PARD3B: variants seen among roughly 807,000 people sequenced by gnomAD.
PARD3B encodes the protein partitioning defective 3 homolog B.
PARD3B carries 103 observed loss-of-function variants against 130.2 expected under a neutral mutation model. The ratio of observed to expected loss-of-function variants is 0.79; its 90% CI spans 0.67 to 0.93. The LOEUF (loss-of-function observed/expected upper bound fraction) is 0.93, where lower values mean the gene tolerates loss of function less well. Ranked by LOEUF, PARD3B falls within the 40% of genes least tolerant of loss-of-function variation. PARD3B has a pLI of 0.00. For synonymous variants in PARD3B, 583 were observed against 553.2 expected, an observed-to-expected ratio of 1.05 and a Z score of -0.76; for missense variants, 1,609 against 1,499.2, an observed-to-expected ratio of 1.07 and a Z score of -1.21.
At chr2:204,851,056 C>T (rs2044689281) in intron 2 of PARD3B, among the ~76,000 whole-genome samples, 1 of 152,048 alleles carries the variant, frequency 6.6e-6, no homozygotes, top group Admixed American at 6.6e-5. Flanking sequence ...CTTCTCAGGT[C>T]AGGAAAACTT....
intron 2 of PARD3B, among the ~76,000 whole-genome samples, chr2:204,801,222 TTTAAA>T (rs2042556601): frequency 6.6e-6 from 1 of 152,216 alleles, no homozygotes; most frequent in South Asian, 2.1e-4. Flanking sequence ...CCATATGAAA[TTTAAA>T]TTAGTTTTTC....
intron 2 of PARD3B, among the ~76,000 whole-genome samples, chr2:204,734,920 A>T (rs2125348477): frequency 6.6e-6 from 1 of 152,226 alleles, no homozygotes; most frequent in South Asian, 2.1e-4. Context: ...TTGTTTAAAA[A>T]TAGGACCATA....
rs77519532 is a variant in PARD3B at position 205,207,497 on chromosome 2, A to G, written c.2140+14177A>G. 1.3e-4 allele frequency among the ~76,000 whole-genome samples: 19 copies of G among 145,256 alleles called. No homozygotes were observed. In the East Asian group the frequency reaches 3.4e-3, roughly 26 times the overall value. On this transcript the variant is annotated intron_variant, in intron 15 of 22. Coordinates refer to ENST00000406610, the MANE Select transcript of PARD3B (RefSeq NM_001302769.2). ...AAGACTAATAAAGAAAAAAAGAGAGATGAATCAAATAGATGCGATAAAAAA... is the reference window on the plus strand; with the variant it reads ...AAGACTAATAAAGAAAAAAAGAGAGGTGAATCAAATAGATGCGATAAAAAA...
chr2:205,440,947 T>C lies in PARD3B; in HGVS notation c.3044+275T>C, dbSNP rs531550822. ...AAGGAGTATTGTGACAGACATCTCA[T>C]GAAGAAAACTTTGAACGAATATTGT... On this transcript the variant is annotated intron_variant, in intron 20 of 22. Transcript: ENST00000406610. The surrounding 1 kb of genome is among the most constrained non-coding windows in gnomAD (Gnocchi z 4.2). Among the ~76,000 whole-genome samples the C allele has an allele frequency of 2.4e-4, 36 of 152,320 alleles. No homozygotes were observed. The highest frequency in any genetic ancestry group is 2.2e-3 in the Admixed American group (33 of 15,298).
At chr2:205,104,084 C>G (rs1055598329) in intron 4 of PARD3B, among the ~76,000 whole-genome samples, 1 of 152,198 alleles carries the variant, frequency 6.6e-6, no homozygotes, top group African/African-American at 2.4e-5. Context: ...ATATCACCAT[C>G]TGTCACCAGA....
intron 20 of PARD3B, among the ~76,000 whole-genome samples, chr2:205,480,331 C>A (rs6756116): frequency 1.3e-5 from 2 of 152,020 alleles, no homozygotes; most frequent in African/African-American, 4.8e-5. Flanking sequence ...GTAATTCAGA[C>A]CTTAGATTAA....
chr2:205,484,868 C>T (rs777082861), intron 20 of PARD3B, among the ~76,000 whole-genome samples: 4 of 152,182 alleles, frequency 2.6e-5, no homozygotes, highest in Non-Finnish European at 4.4e-5. Context: ...GTCACACTGT[C>T]GAGAGGCTAC....
rs113784174 is a variant in PARD3B at position 204,898,702 on chromosome 2, C to G, written c.223-66450C>G. Among the ~76,000 whole-genome samples, 14 of 152,290 alleles carry G rather than the reference C, an allele frequency of 9.2e-5. 1 individual carries two copies. The highest frequency in any genetic ancestry group is 3.4e-4 in the African/African-American group (14 of 41,562). On this transcript the variant is annotated intron_variant, in intron 2 of 22. Coordinates refer to ENST00000406610, the MANE Select transcript of PARD3B (RefSeq NM_001302769.2). ...GATGTTCTCTCTGGATGATCTGTCT[C>G]AAGCTGAAAGTGGGGTTTTCAAGTC...
At chr2:205,578,912 A>G (rs1319824306) in intron 22 of PARD3B, among the ~76,000 whole-genome samples, 1 of 152,222 alleles carries the variant, frequency 6.6e-6, no homozygotes, top group African/African-American at 2.4e-5. Context: ...CCTTTTCTGC[A>G]TTCTGCATTC....
rs116417930 is a variant in PARD3B, at chr2:205,085,230, C to A, written c.505-19196C>A. Reference sequence around the variant, plus strand: ...TTCCCTAGTAATATTTTATTGACAGCCTTTTGTCTGATATTAACATAGTAG... The same window carrying A: ...TTCCCTAGTAATATTTTATTGACAGACTTTTGTCTGATATTAACATAGTAG... On this transcript the variant is annotated intron_variant, in intron 4 of 22. Coordinates refer to ENST00000406610, the MANE Select transcript of PARD3B (RefSeq NM_001302769.2). 4.4e-3 allele frequency among the ~76,000 whole-genome samples: 675 copies of A among 151,974 alleles called. 4 individuals are homozygous for A. The highest frequency in any genetic ancestry group is 0.015 in the African/African-American group (620 of 41,508).
chr2:204,672,109 T>G (rs553081650), intron 1 of PARD3B, among the ~76,000 whole-genome samples: 1 of 152,352 alleles, frequency 6.6e-6, no homozygotes, highest in South Asian at 2.1e-4. Flanking sequence ...TAATGATACA[T>G]CATTGTAGGC....
At chr2:205,302,384 C>T (rs1453589580) in intron 18 of PARD3B, among the ~76,000 whole-genome samples, 2 of 151,908 alleles carry the variant, frequency 1.3e-5, no homozygotes, top group African/African-American at 4.8e-5. Context: ...AAAAAATTAG[C>T]CAGGCACAGT....
chr2:205,420,382 A>G (rs956558649), intron 19 of PARD3B, among the ~76,000 whole-genome samples: 3 of 152,156 alleles, frequency 2.0e-5, no homozygotes, highest in Admixed American at 6.5e-5. Context: ...GTACTATTAT[A>G]TCTCTCATTT....
chr2:204,553,205 T>G (rs1215685875), intron 1 of PARD3B, among the ~76,000 whole-genome samples: 1 of 152,020 alleles, frequency 6.6e-6, no homozygotes, highest in African/African-American at 2.4e-5. Flanking sequence ...AATCACAATG[T>G]GATACCACCT....
At chr2:204,721,112 T>G (rs987761571) in intron 2 of PARD3B, among the ~76,000 whole-genome samples, 2 of 152,190 alleles carry the variant, frequency 1.3e-5, no homozygotes, top group African/African-American at 4.8e-5. Context: ...GGAAAGGTAG[T>G]CTGTAAGCTG....
intron 2 of PARD3B, among the ~76,000 whole-genome samples, chr2:204,912,690 G>A (rs908848196): frequency 9.2e-5 from 14 of 152,056 alleles, no homozygotes; most frequent in African/African-American, 3.4e-4. Context: ...AGATTGTTAA[G>A]CAACAAAGGA....
chr2:205,127,507 C>T (rs1225089990), intron 10 of PARD3B, among the ~76,000 whole-genome samples: 2 of 152,092 alleles, frequency 1.3e-5, no homozygotes, highest in Admixed American at 1.3e-4. Context: ...TGATGTTTCA[C>T]TTGAAGAAGA....
chr2:204,824,621 A>T (rs549095782), intron 2 of PARD3B, among the ~76,000 whole-genome samples: 1 of 152,324 alleles, frequency 6.6e-6, no homozygotes, highest in South Asian at 2.1e-4. Flanking sequence ...TTTATGAGTG[A>T]TGAAAAGGAG....
intron 20 of PARD3B, among the ~76,000 whole-genome samples, chr2:205,499,241 G>C (rs1454683551): frequency 3.3e-5 from 5 of 151,546 alleles, no homozygotes; most frequent in Non-Finnish European, 5.9e-5. Context: ...TAATTCATAA[G>C]AGGAAATACT....
Sources: gnomAD v4.1 joint callset for allele counts (sites outside exome capture counted in the v4.1 genomes callset) on GRCh38, gnomAD v4.1.1 for gene constraint, Gnocchi (gnomAD v3.1) non-coding constraint, MANE v1.5 for transcripts, NCBI Gene and HGNC (gene_info 2026-07-23, HGNC 2026-07-21) for gene names.